Variants in FGF12 observed in about 807,000 individuals in gnomAD.
FGF12 encodes fibroblast growth factor 12B.
A neutral mutation model predicts 23.6 loss-of-function variants in FGF12; 14 were observed. The observed-to-expected ratio is 0.59, with a 90% confidence interval of 0.39 to 0.93. The LOEUF (loss-of-function observed/expected upper bound fraction) is 0.93, where lower values mean the gene tolerates loss of function less well. FGF12 is among the 40% of genes least tolerant of loss of function. The pLI, the probability that FGF12 is intolerant of heterozygous loss-of-function variation, is 0.00. For synonymous variants in FGF12, 62 were observed against 77.3 expected (o/e 0.80, Z 1.04); for missense variants, 175 against 217.8 (o/e 0.80, Z 1.24).
chr3:192,407,988 C>A, intron 2 of FGF12: 1 of 1,546,738 alleles, frequency 6.5e-7, no homozygotes, highest in Non-Finnish European at 8.7e-7. Flanking sequence ...AAGAGGGCGT[C>A]CCCTCTGGGG....
intron 2 of FGF12, among the ~76,000 whole-genome samples, chr3:192,432,630 AAAAAAAAAAAAAG>A (rs1399423102): frequency 6.6e-6 from 1 of 150,946 alleles, no homozygotes; most frequent in African/African-American, 2.4e-5. Context: ...CAAAAAAAAA[AAAAAAAAAAAAAG>A]AAAGAAAGAA....
At chr3:192,721,146 T>C (rs1719027275) in intron 2 of FGF12, among the ~76,000 whole-genome samples, 1 of 152,200 alleles carries the variant, frequency 6.6e-6, no homozygotes, top group African/African-American at 2.4e-5. Flanking sequence ...GTATACTTGC[T>C]GCTAAAACTA....
rs1306846680 is a variant in FGF12 at position 192,170,472 on chromosome 3, G to A, written c.413C>T (p.Pro138Leu). ...TGGTTTCATACCTTCAATAGGTTTCGGTACAAAATGTGATGAGGGCTTGGT... is the reference window on the plus strand; with the variant it reads ...TGGTTTCATACCTTCAATAGGTTTCAGTACAAAATGTGATGAGGGCTTGGT... ...KKTKPSSHFV[P>L]KPIEVCMYRE... is the part of the protein sequence containing the mutation. Residue 138 changes from proline (P) to leucine (L), a missense_variant, in exon 5 of 6, where the codon CCG becomes CTG. Physicochemically the swap from Pro to Leu is moderately conservative, Grantham distance 98. Coordinates refer to ENST00000445105, the MANE Select transcript of FGF12 (RefSeq NM_004113.6). 1.2e-6 allele frequency: 2 copies of A among 1,613,662 alleles called. No individual in the cohort carries two copies. Among genetic ancestry groups the A allele is most frequent in the East Asian group, 2.2e-5 (1 of 44,864 alleles).
chr3:192,392,422 T>A (rs557547345), intron 2 of FGF12, among the ~76,000 whole-genome samples: 2 of 137,596 alleles, frequency 1.5e-5, no homozygotes, highest in Non-Finnish European at 3.1e-5. Flanking sequence ...AAAAAATAAA[T>A]AAATAAATAA....
intron 3 of FGF12, among the ~76,000 whole-genome samples, chr3:192,341,813 A>G (rs1276860273): frequency 3.3e-5 from 5 of 152,208 alleles, no homozygotes; most frequent in Non-Finnish European, 5.9e-5. Flanking sequence ...GACTACTTAA[A>G]ATAGCTTCAT....
intron 2 of FGF12, among the ~76,000 whole-genome samples, chr3:192,569,500 T>C (rs1160692885): frequency 6.6e-6 from 1 of 152,250 alleles, no homozygotes; most frequent in Non-Finnish European, 1.5e-5. Context: ...AAGTGACATA[T>C]AGCTATTGTG....
At chr3:192,645,196 A>T (rs533211021) in intron 2 of FGF12, among the ~76,000 whole-genome samples, 1 of 152,266 alleles carries the variant, frequency 6.6e-6, no homozygotes, top group African/African-American at 2.4e-5. Context: ...AAAGCAGTTG[A>T]CATGGTCAAC....
chr3:192,180,099 A>G (rs958405161), intron 4 of FGF12, among the ~76,000 whole-genome samples: 3 of 151,648 alleles, frequency 2.0e-5, no homozygotes, highest in Non-Finnish European at 4.4e-5. Flanking sequence ...ATCTATATAT[A>G]GAGAACACAG....
chr3:192,296,227 TA>T (rs1426935819), intron 4 of FGF12, among the ~76,000 whole-genome samples: 432 of 148,872 alleles, frequency 2.9e-3, no homozygotes, highest in African/African-American at 0.011. Flanking sequence ...CATTTTATTT[TA>T]TTTTTTTTTT....
Position 192,385,566 on chromosome 3 carries a change from C to A in FGF12, c.14-25028G>T, listed in dbSNP as rs1369284112. On this transcript the variant is annotated intron_variant, in intron 2 of 5. Transcript: ENST00000445105. ...CAGGACTGAGAGAATTCACCCCCCCCAGCTCATAGTTCAGACCTCTTCTCT... is the reference window on the plus strand; with the variant it reads ...CAGGACTGAGAGAATTCACCCCCCCAAGCTCATAGTTCAGACCTCTTCTCT... 2.6e-5 allele frequency among the ~76,000 whole-genome samples: 4 copies of A among 152,262 alleles called. No homozygotes were observed. The East Asian group carries it at 5.8e-4, about 22-fold the overall frequency.
intron 2 of FGF12, among the ~76,000 whole-genome samples, chr3:192,370,796 C>A (rs984400968): frequency 6.6e-6 from 1 of 152,210 alleles, no homozygotes; most frequent in Non-Finnish European, 1.5e-5. Flanking sequence ...AGAGGACTGA[C>A]TGTGCTTGGT....
At position 192,256,594 on chromosome 3, in the gene FGF12, C is replaced by CA. The variant is rs34727164; in HGVS notation, c.228+78766dup. 2.6e-5 allele frequency among the ~76,000 whole-genome samples: 4 copies of CA among 152,046 alleles called. No individual in the cohort carries two copies. In the South Asian group the frequency reaches 6.2e-4, roughly 24 times the overall value. On this transcript the variant is annotated intron_variant, in intron 4 of 5. Coordinates refer to ENST00000445105, the MANE Select transcript of FGF12 (RefSeq NM_004113.6). Reference sequence around the variant, plus strand: ...GCCATATATTTAAAGCATTTAATGGCAAAAAAACTTTTTAACATCAAGTTT... The same window carrying CA: ...GCCATATATTTAAAGCATTTAATGGCAAAAAAAACTTTTTAACATCAAGTTT...
chr3:192,479,747 G>A (rs1160121673), intron 2 of FGF12, among the ~76,000 whole-genome samples: 2 of 152,098 alleles, frequency 1.3e-5, no homozygotes, highest in African/African-American at 2.4e-5. Context: ...CCCAGTTTCT[G>A]GAGTTTGCAC....
chr3:192,516,247 A>C (rs932578369), intron 2 of FGF12, among the ~76,000 whole-genome samples: 4 of 152,230 alleles, frequency 2.6e-5, no homozygotes, highest in Admixed American at 2.6e-4. Context: ...GATGAATGCC[A>C]GTGTTCATAC....
At chr3:192,235,604 G>A (rs1441654529) in intron 4 of FGF12, among the ~76,000 whole-genome samples, 1 of 152,154 alleles carries the variant, frequency 6.6e-6, no homozygotes, top group Non-Finnish European at 1.5e-5. Context: ...TTACAGGCGT[G>A]AGCCACTGCA....
chr3:192,420,163 T>C (rs1373983695), intron 2 of FGF12, among the ~76,000 whole-genome samples: 6 of 152,076 alleles, frequency 3.9e-5, no homozygotes, highest in African/African-American at 1.4e-4. Flanking sequence ...CAAAAGCCGA[T>C]GAGCTTAAAG....
chr3:192,164,955 T>C (rs1715079767), intron 5 of FGF12, among the ~76,000 whole-genome samples: 1 of 152,132 alleles, frequency 6.6e-6, no homozygotes, highest in African/African-American at 2.4e-5. Context: ...TTTATTTATT[T>C]ATTCACTTAT....
intron 2 of FGF12, among the ~76,000 whole-genome samples, chr3:192,633,046 G>T (rs575698992): frequency 6.6e-6 from 1 of 152,082 alleles, no homozygotes; most frequent in African/African-American, 2.4e-5. Flanking sequence ...TTGTTTTGTT[G>T]TGTTGTGTTT....
At position 192,320,366 on chromosome 3, in the gene FGF12, T is replaced by C. The variant is rs140015292; in HGVS notation, c.228+14995A>G. On this transcript the variant is annotated intron_variant, in intron 4 of 5. Coordinates refer to ENST00000445105, the MANE Select transcript of FGF12 (RefSeq NM_004113.6). Reference sequence around the variant, plus strand: ...ACAGAGAGAGACCCCAATAAAATAATAACCGGAGACTTCAATGCCCCACTT... The same window carrying C: ...ACAGAGAGAGACCCCAATAAAATAACAACCGGAGACTTCAATGCCCCACTT... Among the ~76,000 whole-genome samples the C allele has an allele frequency of 1.1e-3, 162 of 152,260 alleles. 1 individual carries two copies. Among genetic ancestry groups the C allele is most frequent in the African/African-American group, 3.7e-3 (155 of 41,568 alleles).
Sources: allele counts gnomAD v4.1 joint callset (sites outside exome capture counted in the v4.1 genomes callset), GRCh38; gene constraint gnomAD v4.1.1; transcripts MANE v1.5; gene names NCBI Gene and HGNC (gene_info 2026-07-23, HGNC 2026-07-21).